The following MTSS1 variants were observed in gnomAD, a reference collection of about 807,000 sequenced individuals.
The protein encoded by MTSS1 is MTSS I-BAR domain containing 1, also known as protein MTSS 1.
A neutral mutation model predicts 79.0 loss-of-function variants in MTSS1; 18 were observed. That is an observed-to-expected ratio of 0.23 (90% confidence interval 0.16 to 0.34). The LOEUF (loss-of-function observed/expected upper bound fraction) is 0.34. Ranked by LOEUF, MTSS1 falls within the 10% of genes least tolerant of loss-of-function variation. MTSS1 has a pLI of 1.00. For missense variants in MTSS1, 815 were observed against 986.2 expected (o/e 0.83, Z 2.33); for synonymous variants, 341 against 368.6 (o/e 0.93, Z 0.86).
At chr8:124,558,778 C>G (rs559973464) in intron 10 of MTSS1, 1 of 1,583,154 alleles carries the variant, frequency 6.3e-7, no homozygotes, top group African/African-American at 1.3e-5. Flanking sequence ...GAGCTGCACT[C>G]GCTCACTGAC....
chr8:124,603,577 G>A (rs1834292161), intron 3 of MTSS1, among the ~76,000 whole-genome samples: 1 of 152,184 alleles, frequency 6.6e-6, no homozygotes. Context: ...TTACCCTTGG[G>A]CATGGAGAGA....
chr8:124,655,764 A>G (rs1820824019), intron 3 of MTSS1, among the ~76,000 whole-genome samples: 1 of 152,074 alleles, frequency 6.6e-6, no homozygotes, highest in Non-Finnish European at 1.5e-5. Flanking sequence ...GAGGGATGGG[A>G]GGATGTGGGA....
intron 3 of MTSS1, among the ~76,000 whole-genome samples, chr8:124,631,584 T>C (rs1245193752): frequency 6.6e-6 from 1 of 152,218 alleles, no homozygotes; most frequent in African/African-American, 2.4e-5. Context: ...CATCTCATCC[T>C]GAGTCTGAGC....
At chr8:124,584,994 T>C (rs1042421898) in intron 6 of MTSS1, 93 bp downstream of exon 6, 6 of 1,062,784 alleles carry the variant, frequency 5.6e-6, no homozygotes, top group Non-Finnish European at 8.5e-6. Flanking sequence ...CCGTCATACT[T>C]AAGGAAGTCT....
chr8:124,565,240 A>G (rs1563759856), intron 9 of MTSS1, among the ~76,000 whole-genome samples: 1 of 152,222 alleles, frequency 6.6e-6, no homozygotes, highest in African/African-American at 2.4e-5. Flanking sequence ...TGAAACAAAA[A>G]TATGGGGTGA....
intron 3 of MTSS1, among the ~76,000 whole-genome samples, chr8:124,627,991 AC>A (rs750690044): frequency 6.6e-6 from 1 of 152,058 alleles, no homozygotes; most frequent in Non-Finnish European, 1.5e-5. Context: ...ACAAGGTGAA[AC>A]CCCGTCTCTA....
At chr8:124,681,361 C>T (rs1463683844) in intron 3 of MTSS1, among the ~76,000 whole-genome samples, 1 of 152,140 alleles carries the variant, frequency 6.6e-6, no homozygotes, top group Admixed American at 6.5e-5. Context: ...TATGCCATTC[C>T]CAGTTTCTGT....
At chr8:124,621,677 T>C (rs1300981290) in intron 3 of MTSS1, among the ~76,000 whole-genome samples, 2 of 152,162 alleles carry the variant, frequency 1.3e-5, no homozygotes, top group African/African-American at 4.8e-5. Context: ...CCCGAGTAAG[T>C]AGCTGGGATT....
At chr8:124,655,933 T>C (rs1246828384) in intron 3 of MTSS1, among the ~76,000 whole-genome samples, 1 of 152,162 alleles carries the variant, frequency 6.6e-6, no homozygotes, top group Non-Finnish European at 1.5e-5. Flanking sequence ...TGGAAAGATG[T>C]GTGTATAACA....
intron 3 of MTSS1, among the ~76,000 whole-genome samples, chr8:124,625,494 T>G (rs1814483431): frequency 6.6e-6 from 1 of 152,172 alleles, no homozygotes; most frequent in Non-Finnish European, 1.5e-5. Context: ...TGCTGAAACT[T>G]TAGACAGACC....
rs1004896370 is a variant in MTSS1 at position 124,727,227 on chromosome 8, G to A, written c.72+657C>T. Among the ~76,000 whole-genome samples, 1 of 152,246 alleles carries A rather than the reference G, an allele frequency of 6.6e-6. No individual in the cohort carries two copies. The highest frequency in any genetic ancestry group is 2.4e-5 in the African/African-American group (1 of 41,474). ...TTCGGGGGCCCCAATCTTGCCTTTA[G>A]GCTCAGCTGGGAGAAGGCGGGGCCC... is the stretch of plus-strand genomic sequence containing the variant. On this transcript the variant is annotated intron_variant, in intron 1 of 13. Coordinates refer to ENST00000518547, the MANE Select transcript of MTSS1 (RefSeq NM_014751.6). This position sits in a 1 kb window ranked among gnomAD's most constrained non-coding sequence, Gnocchi z 4.7.
chr8:124,558,275 GT>G (rs1163159255), intron 10 of MTSS1, among the ~76,000 whole-genome samples: 2 of 132,526 alleles, frequency 1.5e-5, no homozygotes, highest in East Asian at 4.4e-4. Context: ...TTCATTCTAG[GT>G]TTCCAAAATC....
At chr8:124,642,443 G>A (rs1409281135) in intron 3 of MTSS1, among the ~76,000 whole-genome samples, 1 of 152,138 alleles carries the variant, frequency 6.6e-6, no homozygotes, top group East Asian at 1.9e-4. Context: ...CCATCTTCCT[G>A]CCAATCACCC....
rs186635426 is a variant in MTSS1, at chr8:124,578,841, G to A, written c.460+6246C>T. Among the ~76,000 whole-genome samples the A allele has an allele frequency of 8.5e-5, 13 of 152,078 alleles. No individual in the cohort carries two copies. The East Asian group carries it at 2.6e-3, about 30-fold the overall frequency. On this transcript the variant is annotated intron_variant, in intron 6 of 13. Transcript: ENST00000518547. ...GATCTGCCCACCTAGGCCTCCCAAA[G>A]TGCTGGGATTACAGGCATGAGCCAC...
At chr8:124,609,979 G>C (rs1322555122) in intron 3 of MTSS1, among the ~76,000 whole-genome samples, 1 of 152,150 alleles carries the variant, frequency 6.6e-6, no homozygotes, top group Admixed American at 6.5e-5. Flanking sequence ...AAACAACAGG[G>C]ACAGGAGATC....
chr8:124,593,239 T>C (rs1399490037), intron 3 of MTSS1, among the ~76,000 whole-genome samples: 1 of 152,240 alleles, frequency 6.6e-6, no homozygotes, highest in Non-Finnish European at 1.5e-5. Flanking sequence ...TATTTCTTTC[T>C]GGGCCTTCGT....
chr8:124,655,401 G>A (rs375278968), intron 3 of MTSS1, among the ~76,000 whole-genome samples: 2 of 152,188 alleles, frequency 1.3e-5, no homozygotes, highest in Non-Finnish European at 2.9e-5. Context: ...GGAGGTACAC[G>A]GGGTTCCCAA....
intron 2 of MTSS1, among the ~76,000 whole-genome samples, chr8:124,703,288 TTTA>T (rs1165043627): frequency 1.3e-5 from 2 of 152,262 alleles, no homozygotes; most frequent in African/African-American, 4.8e-5. Flanking sequence ...TTTATTTTAT[TTTA>T]TTATTATTAT....
In MTSS1 at chr8:124,616,682, T is replaced by C. The variant is rs117339111; in HGVS notation, c.209-25447A>G. Among the ~76,000 whole-genome samples, 1,077 of 152,310 alleles carry C rather than the reference T, an allele frequency of 7.1e-3. 9 individuals carry two copies. The highest frequency in any genetic ancestry group is 0.011 in the Non-Finnish European group (756 of 68,022). On this transcript the variant is annotated intron_variant, in intron 3 of 13. Coordinates refer to ENST00000518547, the MANE Select transcript of MTSS1 (RefSeq NM_014751.6). ...ATTCTTCAGCAACTTCCCTGTCTGA[T>C]TCTGCAGTGATTTCTGTTGCTACAA...
Sources: gnomAD v4.1 joint callset for allele counts (sites outside exome capture counted in the v4.1 genomes callset) on GRCh38, gnomAD v4.1.1 for gene constraint, Gnocchi (gnomAD v3.1) non-coding constraint, MANE v1.5 for transcripts, NCBI Gene and HGNC (gene_info 2026-07-23, HGNC 2026-07-21) for gene names.